The following ZNF385D variants were observed in gnomAD, a reference collection of about 807,000 sequenced individuals.
ZNF385D encodes the protein zinc finger protein 659.
A neutral mutation model predicts 35.8 loss-of-function variants in ZNF385D; 15 were observed. The ratio of observed to expected loss-of-function variants is 0.42; its 90% CI spans 0.28 to 0.64. The LOEUF is 0.64. Ranked by LOEUF, ZNF385D falls within the 30% of genes least tolerant of loss-of-function variation. The pLI is 0.23. For missense variants in ZNF385D, 474 were observed against 494.6 expected, an observed-to-expected ratio of 0.96 and a Z score of 0.39; for synonymous variants, 212 against 186.8, an observed-to-expected ratio of 1.13 and a Z score of -1.10.
intron 2 of ZNF385D, among the ~76,000 whole-genome samples, chr3:22,196,769 T>C (rs1265385709): frequency 6.6e-6 from 1 of 152,072 alleles, no homozygotes; most frequent in Non-Finnish European, 1.5e-5. Flanking sequence ...TTTAAAGTTA[T>C]TATTTTTTAG....
At chr3:21,561,216 C>CT (rs1327819682) in intron 3 of ZNF385D, among the ~76,000 whole-genome samples, 4 of 152,182 alleles carry the variant, frequency 2.6e-5, no homozygotes, top group African/African-American at 9.7e-5. Flanking sequence ...CTTCACGTAG[C>CT]TTGGTTTCTG....
At chr3:21,535,973 A>C (rs1225056221) in intron 3 of ZNF385D, among the ~76,000 whole-genome samples, 2 of 147,972 alleles carry the variant, frequency 1.4e-5, no homozygotes, top group Non-Finnish European at 3.0e-5. Flanking sequence ...TGAAGAAAAT[A>C]TCCTGGATTC....
chr3:22,307,636 G>T (rs777228413), intron 2 of ZNF385D, among the ~76,000 whole-genome samples: 12 of 151,804 alleles, frequency 7.9e-5, no homozygotes, highest in Non-Finnish European at 1.5e-4. Context: ...CATAGATTAG[G>T]AATATGCCTG....
chr3:21,654,730 G>C (rs1254861477), intron 2 of ZNF385D, among the ~76,000 whole-genome samples: 1 of 151,996 alleles, frequency 6.6e-6, no homozygotes, highest in African/African-American at 2.4e-5. Context: ...ATTCTTGATT[G>C]GTTTTCAAAG....
upstream of ZNF385D, among the ~76,000 whole-genome samples, chr3:21,752,020 C>CG (rs1355268383): frequency 7.8e-6 from 1 of 127,696 alleles, no homozygotes; most frequent in Non-Finnish European, 1.6e-5. Flanking sequence ...CCCCTCCCCC[C>CG]CCCACCACAC....
rs1430323559 is a variant in ZNF385D at position 22,341,546 on chromosome 3, G to A, written c.106+30904C>T. Among the ~76,000 whole-genome samples the A allele has an allele frequency of 1.3e-5, 2 of 152,008 alleles. 1 individual carries two copies. Among genetic ancestry groups the A allele is most frequent in the East Asian group, 3.9e-4 (2 of 5,190 alleles). Reference sequence around the variant, plus strand: ...TCCTATCTTCAACTAATTTTTTTAAGCACCATTTGGAATGAACCAAAAAAT... The same window carrying A: ...TCCTATCTTCAACTAATTTTTTTAAACACCATTTGGAATGAACCAAAAAAT... On this transcript the variant is annotated intron_variant, in intron 2 of 5. Transcript: ENST00000494108.
At chr3:21,936,405 G>A (rs369773216) in intron 3 of ZNF385D, among the ~76,000 whole-genome samples, 2 of 126,626 alleles carry the variant, frequency 1.6e-5, no homozygotes, top group African/African-American at 5.5e-5. Context: ...TTTTTTTTTT[G>A]GCTATGTCAG....
At chr3:21,773,979 T>A (rs564117012) in intron 3 of ZNF385D, among the ~76,000 whole-genome samples, 1 of 152,038 alleles carries the variant, frequency 6.6e-6, no homozygotes, top group Non-Finnish European at 1.5e-5. Flanking sequence ...CATATGTTCA[T>A]TGCAGCACTA....
At chr3:22,088,579 G>A (rs1259877612) in intron 3 of ZNF385D, among the ~76,000 whole-genome samples, 2 of 152,198 alleles carry the variant, frequency 1.3e-5, no homozygotes, top group African/African-American at 4.8e-5. Context: ...ACACCAACCA[G>A]AAGAGATCTA....
chr3:22,109,811 C>A (rs961066973), intron 3 of ZNF385D, among the ~76,000 whole-genome samples: 1 of 152,066 alleles, frequency 6.6e-6, no homozygotes, highest in African/African-American at 2.4e-5. Flanking sequence ...TTCTGCACAG[C>A]AAAAGAAACT....
intron 3 of ZNF385D, among the ~76,000 whole-genome samples, chr3:21,845,941 G>T (rs1396796966): frequency 6.6e-6 from 1 of 151,986 alleles, no homozygotes; most frequent in East Asian, 1.9e-4. Flanking sequence ...TAATAACTGT[G>T]AAGTAGCTTT....
intron 1 of ZNF385D, among the ~76,000 whole-genome samples, chr3:21,722,320 T>C (rs13314718): frequency 0.52 from 78,382 of 152,054 alleles, 20,912 homozygotes; most frequent in African/African-American, 0.66. Flanking sequence ...GTGTGAACAA[T>C]AGACATTTTG....
chr3:22,174,764 T>C (rs1487228861), intron 2 of ZNF385D, among the ~76,000 whole-genome samples: 1 of 152,162 alleles, frequency 6.6e-6, no homozygotes, highest in East Asian at 1.9e-4. Context: ...TCAGGGTAGA[T>C]GACAGCTGGC....
chr3:22,297,392 C>T (rs996585392), intron 2 of ZNF385D, among the ~76,000 whole-genome samples: 1 of 152,120 alleles, frequency 6.6e-6, no homozygotes, highest in African/African-American at 2.4e-5. Context: ...AAAGGACTCA[C>T]ACAGAACCTG....
chr3:21,859,770 A>G (rs1696946139), intron 3 of ZNF385D, among the ~76,000 whole-genome samples: 1 of 151,860 alleles, frequency 6.6e-6, no homozygotes, highest in Non-Finnish European at 1.5e-5. Context: ...TATTGAAATT[A>G]GAACTGCAAA....
chr3:22,081,892 C>A (rs969636343), intron 3 of ZNF385D, among the ~76,000 whole-genome samples: 21 of 151,932 alleles, frequency 1.4e-4, no homozygotes, highest in South Asian at 4.2e-4. Flanking sequence ...TATAAATGAT[C>A]TTAGCTAACA....
intron 4 of ZNF385D, among the ~76,000 whole-genome samples, chr3:21,485,956 CCT>C (rs761842162): frequency 1.3e-5 from 2 of 150,588 alleles, no homozygotes; most frequent in Non-Finnish European, 3.0e-5. Flanking sequence ...TTTAGGCACA[CCT>C]CACAGTATTT....
intron 3 of ZNF385D, among the ~76,000 whole-genome samples, chr3:22,095,363 T>C (rs373802584): frequency 1.3e-5 from 2 of 152,080 alleles, no homozygotes; most frequent in African/African-American, 4.8e-5. Context: ...CTTTTTGGTA[T>C]TCCATCATGA....
chr3:21,677,034 C>T (rs375525697), intron 1 of ZNF385D, among the ~76,000 whole-genome samples: 44 of 152,052 alleles, frequency 2.9e-4, no homozygotes, highest in East Asian at 1.9e-3. Context: ...GAGCTATCAC[C>T]AATGCAACAC....
Sources: gnomAD v4.1 joint callset for allele counts (sites outside exome capture counted in the v4.1 genomes callset) on GRCh38, gnomAD v4.1.1 for gene constraint, MANE v1.5 for transcripts, NCBI Gene and HGNC (gene_info 2026-07-23, HGNC 2026-07-21) for gene names.